Variants in PTPRT observed in about 807,000 individuals in gnomAD.
PTPRT encodes protein tyrosine phosphatase receptor type T.
Under a neutral mutation model 176.8 loss-of-function variants are expected in PTPRT, and 56 were observed. The observed-to-expected ratio is 0.32, with a 90% confidence interval of 0.26 to 0.40. The LOEUF (loss-of-function observed/expected upper bound fraction) is 0.40, where lower values mean the gene tolerates loss of function less well. PTPRT is among the 10% of genes least tolerant of loss of function. PTPRT has a pLI of 1.00. For missense variants in PTPRT, 1,540 were observed against 1,908.2 expected (o/e 0.81, Z 3.60); for synonymous variants, 783 against 739.0 (o/e 1.06, Z -0.96).
the PTPRT span, among the ~76,000 whole-genome samples, chr20:42,058,046 A>G: frequency 1.3e-5 from 2 of 152,182 alleles, no homozygotes; most frequent in African/African-American, 4.8e-5. Flanking sequence ...AAATGGAGTC[A>G]CACGAACAGC....
chr20:43,023,665 C>G (rs915039599), intron 1 of PTPRT, among the ~76,000 whole-genome samples: 1 of 152,172 alleles, frequency 6.6e-6, no homozygotes, highest in Non-Finnish European at 1.5e-5. Context: ...GAGCAAGGGC[C>G]TAGAAGCCAC....
chr20:42,508,930 ATAATTTATAAATATAATTTATATT>A (rs2071900647), intron 7 of PTPRT, among the ~76,000 whole-genome samples: 1 of 144,368 alleles, frequency 6.9e-6, no homozygotes, highest in Non-Finnish European at 1.5e-5. Flanking sequence ...TATAAATAAT[ATAATTTATAAATATAATTTATATT>A]TAATTTATAG....
chr20:42,501,653 A>T (rs2071752566), intron 7 of PTPRT, among the ~76,000 whole-genome samples: 2 of 152,168 alleles, frequency 1.3e-5, no homozygotes, highest in African/African-American at 4.8e-5. Context: ...AATAGTTGTG[A>T]TAGAAACAGT....
At chr20:42,185,552 G>C (rs1419074193) in intron 16 of PTPRT, among the ~76,000 whole-genome samples, 1 of 152,208 alleles carries the variant, frequency 6.6e-6, no homozygotes, top group African/African-American at 2.4e-5. Flanking sequence ...AGGAGTGGGA[G>C]AGAGGCTAAG....
rs942120193 is a variant in PTPRT at position 42,309,041 on chromosome 20, C to T, written c.2139+6682G>A. 6.6e-5 allele frequency among the ~76,000 whole-genome samples: 10 copies of T among 152,186 alleles called. No homozygotes were observed. In the East Asian group the frequency reaches 1.7e-3, roughly 26 times the overall value. On this transcript the variant is annotated intron_variant, in intron 12 of 30. Transcript: ENST00000373187. ...AGAACAATCACCCTGCTACTTCCCA[C>T]TTCTCTTATTTAGCTTAGCATTTGG...
chr20:42,255,098 A>G (rs2056615282), intron 13 of PTPRT, among the ~76,000 whole-genome samples: 1 of 152,148 alleles, frequency 6.6e-6, no homozygotes, highest in Admixed American at 6.5e-5. Flanking sequence ...CTCCCCACAA[A>G]GCAGAAGGGA....
At chr20:42,709,964 G>A (rs577198858) in intron 6 of PTPRT, among the ~76,000 whole-genome samples, 2 of 152,300 alleles carry the variant, frequency 1.3e-5, no homozygotes, top group East Asian at 1.9e-4. Context: ...GTGGAAGGTT[G>A]AACTTAAGAG....
intron 2 of PTPRT, among the ~76,000 whole-genome samples, chr20:42,861,206 C>T (rs115378493): frequency 1.2e-3 from 184 of 152,264 alleles, no homozygotes; most frequent in African/African-American, 4.2e-3. Flanking sequence ...CTACCATTGC[C>T]CTTCAGACCC....
chr20:43,123,496 G>A (rs982699700), intron 1 of PTPRT, among the ~76,000 whole-genome samples: 8 of 152,112 alleles, frequency 5.3e-5, no homozygotes, highest in Non-Finnish European at 8.8e-5. Context: ...GAGAGAACAC[G>A]CCCTTTTCTA....
At chr20:42,211,539 T>C (rs1333040390) in intron 15 of PTPRT, among the ~76,000 whole-genome samples, 7 of 148,540 alleles carry the variant, frequency 4.7e-5, no homozygotes, top group Non-Finnish European at 1.1e-4. Context: ...AAAAAACACA[T>C]GAAAAAATGC....
intron 12 of PTPRT, among the ~76,000 whole-genome samples, chr20:42,311,830 A>G (rs1325468912): frequency 6.6e-6 from 1 of 152,032 alleles, no homozygotes; most frequent in African/African-American, 2.4e-5. Flanking sequence ...TTTTAAGTAT[A>G]GATTGGAGAG....
At chr20:42,360,063 G>A (rs754008827) in intron 9 of PTPRT, among the ~76,000 whole-genome samples, 2 of 152,134 alleles carry the variant, frequency 1.3e-5, no homozygotes, top group Admixed American at 6.5e-5. Context: ...AAACAAACTC[G>A]AAATCCAGCT....
At chr20:42,211,465 C>A (rs1181923286) in intron 15 of PTPRT, among the ~76,000 whole-genome samples, 8 of 151,334 alleles carry the variant, frequency 5.3e-5, no homozygotes, top group Admixed American at 5.3e-4. Context: ...AAACAAACAA[C>A]CCCGTCAAAA....
At chr20:43,187,709 C>A (rs4812690) in intron 1 of PTPRT, among the ~76,000 whole-genome samples, 115,799 of 151,996 alleles carry the variant, frequency 0.76, 48,649 homozygotes, top group Non-Finnish European at 0.92. Flanking sequence ...CCCAAAAGAA[C>A]CACAGATTTC....
rs370367414 is a variant in PTPRT at position 43,052,355 on chromosome 20, G to A, written c.88+137291C>T. Among the ~76,000 whole-genome samples the A allele has an allele frequency of 1.9e-4, 29 of 152,310 alleles. 1 individual carries two copies. The highest frequency in any genetic ancestry group is 4.8e-4 in the African/African-American group (20 of 41,570). On this transcript the variant is annotated intron_variant, in intron 1 of 30. Coordinates refer to ENST00000373187, the MANE Select transcript of PTPRT (RefSeq NM_007050.6). Reference sequence around the variant, plus strand: ...CTATCTATAATAAGCCAGTTCTCTGGACTACAAAAGCAGTTCACTTACTCA... The same window carrying A: ...CTATCTATAATAAGCCAGTTCTCTGAACTACAAAAGCAGTTCACTTACTCA...
intron 1 of PTPRT, among the ~76,000 whole-genome samples, chr20:42,963,090 C>A (rs949643785): frequency 1.3e-5 from 2 of 152,098 alleles, no homozygotes; most frequent in Non-Finnish European, 2.9e-5. Context: ...GTTCCAGCTA[C>A]TCGGGAGGCT....
intron 1 of PTPRT, among the ~76,000 whole-genome samples, chr20:43,154,913 A>G (rs2014473870): frequency 6.6e-6 from 1 of 152,238 alleles, no homozygotes. Context: ...TGATCCAAAA[A>G]AAAAGACATA....
At chr20:42,469,885 T>C (rs944730694) in intron 8 of PTPRT, among the ~76,000 whole-genome samples, 1 of 152,118 alleles carries the variant, frequency 6.6e-6, no homozygotes, top group African/African-American at 2.4e-5. Context: ...CTATTTCCCT[T>C]GTCTTCTCAT....
At chr20:43,051,502 T>C (rs74724431) in intron 1 of PTPRT, among the ~76,000 whole-genome samples, 2 of 151,988 alleles carry the variant, frequency 1.3e-5, no homozygotes, top group South Asian at 2.1e-4. Flanking sequence ...CATTCAGTTA[T>C]AAGAGTAAGA....
Sources: allele counts gnomAD v4.1 joint callset (sites outside exome capture counted in the v4.1 genomes callset), GRCh38; gene constraint gnomAD v4.1.1; transcripts MANE v1.5; gene names NCBI Gene and HGNC (gene_info 2026-07-23, HGNC 2026-07-21).